The following DDI2 variants were observed in gnomAD, a reference collection of about 807,000 sequenced individuals.
The protein encoded by DDI2 is protein DDI1 homolog 2.
A neutral mutation model predicts 48.1 loss-of-function variants in DDI2; 5 were observed. That is an observed-to-expected ratio of 0.10 (90% CI 0.05 to 0.22). The LOEUF (loss-of-function observed/expected upper bound fraction) is 0.22. Ranked by LOEUF, DDI2 falls within the 10% of genes least tolerant of loss-of-function variation. The pLI is 1.00. For missense variants in DDI2, 285 were observed against 506.2 expected, an observed-to-expected ratio of 0.56 and a Z score of 4.19; for synonymous variants, 205 against 183.6, an observed-to-expected ratio of 1.12 and a Z score of -0.94.
intron 1 of DDI2, among the ~76,000 whole-genome samples, chr1:15,622,564 T>A (rs909474803): frequency 2.0e-5 from 3 of 152,216 alleles, no homozygotes; most frequent in African/African-American, 7.2e-5. Flanking sequence ...ATACATTTTC[T>A]TGTTGTATGT....
rs572304680 is a variant in DDI2 at position 15,659,751 on chromosome 1, G to A, written c.*47-86G>A. 1,783 of 1,354,788 alleles carry A rather than the reference G, an allele frequency of 1.3e-3. 3 individuals carry two copies. Among genetic ancestry groups the A allele is most frequent in the Non-Finnish European group, 1.6e-3 (1,664 of 1,025,772 alleles). The allele number at this position is 1,354,788 out of a possible 1,614,324, so 83.9% of individuals were successfully genotyped here. ...GTTTGAGGACCTTATTTTATTCTAC[G>A]CTGTTTAGATTTGTATCCTCTGGTA... On this transcript the variant is annotated intron_variant, in intron 9 of 9. Transcript: ENST00000480945.
rs777034689 is a variant in DDI2, at chr1:15,661,233, C to G, written c.*1443C>G. 2 of 1,613,982 alleles carry G rather than the reference C, an allele frequency of 1.2e-6. No individual in the cohort carries two copies. The highest frequency in any genetic ancestry group is 1.3e-5 in the African/African-American group (1 of 74,908). On this transcript the variant is annotated 3_prime_UTR_variant, in exon 10 of 10. Transcript: ENST00000480945. The stretch of plus-strand genomic sequence containing the variant: ...GGAGTCTAGGTGATGGCCTGTCAAC[C>G]GATAAGGAAGGTGTCCCCAAATCTA...
intron 8 of DDI2, among the ~76,000 whole-genome samples, chr1:15,653,294 T>C (rs1640222438): frequency 6.6e-6 from 1 of 151,790 alleles, no homozygotes; most frequent in Non-Finnish European, 1.5e-5. Flanking sequence ...TTTATTTATA[T>C]AGACAGAGTC....
intron 1 of DDI2, among the ~76,000 whole-genome samples, chr1:15,623,028 A>AT (rs1340579521): frequency 2.0e-5 from 3 of 152,154 alleles, no homozygotes; most frequent in African/African-American, 7.2e-5. Context: ...TAGATTTTAC[A>AT]TTTTTATTGT....
intron 5 of DDI2, among the ~76,000 whole-genome samples, chr1:15,641,732 A>G (rs965734223): frequency 6.6e-6 from 1 of 151,952 alleles, no homozygotes; most frequent in Admixed American, 6.6e-5. Context: ...AGGCAGGTGG[A>G]TCACCTGAGG....
At chr1:15,631,562 T>C (rs1371216612) in intron 3 of DDI2, among the ~76,000 whole-genome samples, 3 of 152,224 alleles carry the variant, frequency 2.0e-5, no homozygotes, top group Non-Finnish European at 4.4e-5. Context: ...AAATTGGCAA[T>C]CTTTACCTTA....
rs143101279 is a variant in DDI2, at chr1:15,630,175, TCA to T, written c.269-149_269-148del. 628 of 737,436 alleles carry T rather than the reference TCA, an allele frequency of 8.5e-4. 3 individuals are homozygous for T. In the African/African-American group the frequency reaches 0.01, roughly 12 times the overall value. The allele number at this position is 737,436 out of a possible 1,614,324, so 45.7% of individuals were successfully genotyped here. On this transcript the variant is annotated intron_variant, in intron 2 of 9. Coordinates refer to ENST00000480945, the MANE Select transcript of DDI2 (RefSeq NM_032341.5). ...CACTCTCAGCCGGCAGTCTTTATAT[TCA>T]GAGTCATCATGAGAAAGAACAAGGT...
chr1:15,654,944 T>C (rs2103479853), intron 8 of DDI2, among the ~76,000 whole-genome samples: 1 of 152,032 alleles, frequency 6.6e-6, no homozygotes, highest in South Asian at 2.1e-4. Context: ...TGTCTTTTTT[T>C]TTTTTTTCCT....
chr1:15,654,291 ATGGAGTTTTCCAGGT>A (rs1342125361), intron 8 of DDI2, among the ~76,000 whole-genome samples: 1 of 152,192 alleles, frequency 6.6e-6, no homozygotes, highest in Non-Finnish European at 1.5e-5. Flanking sequence ...TGGGTGGCAG[ATGGAGTTTTCCAGGT>A]TGACTTTGTT....
intron 3 of DDI2, among the ~76,000 whole-genome samples, chr1:15,630,794 TTTCCTCATTGTTTTTGGC>T (rs1358242699): frequency 6.6e-6 from 1 of 152,134 alleles, no homozygotes; most frequent in Non-Finnish European, 1.5e-5. Context: ...TACTTTTTGT[TTTCCTCATTGTTTTTGGC>T]AGCAGATAAC....
rs938415622 is a variant in DDI2, at chr1:15,632,762, GGTA to G, written c.506-672_506-670del. Among the ~76,000 whole-genome samples, 52 of 151,962 alleles carry G rather than the reference GGTA, an allele frequency of 3.4e-4. 1 individual carries two copies. The highest frequency in any genetic ancestry group is 1.2e-3 in the African/African-American group (51 of 41,354). ...TATATAATGCTGTATTTTGTTTCTA[GGTA>G]GTAGGATAATGAGAACAATGAGGAA... On this transcript the variant is annotated intron_variant, in intron 3 of 9. Coordinates refer to ENST00000480945, the MANE Select transcript of DDI2 (RefSeq NM_032341.5).
chr1:15,647,824 G>A (rs1186555627), intron 6 of DDI2, among the ~76,000 whole-genome samples: 1 of 152,014 alleles, frequency 6.6e-6, no homozygotes, highest in Non-Finnish European at 1.5e-5. Context: ...TTAGCCGGTT[G>A]TCATGACCGT....
rs36082177 is a variant in DDI2 at position 15,648,834 on chromosome 1, C to CAAAA, written c.890-871_890-868dup. On this transcript the variant is annotated intron_variant, in intron 6 of 9. Transcript: ENST00000480945. ...CTGGGCAACGTAGCAGACCCTGTCT[C>CAAAA]AAAAAAAAAAAAAAAAAACAACCCT... Among the ~76,000 whole-genome samples the CAAAA allele has an allele frequency of 1.8e-3, 176 of 95,456 alleles. 1 individual carries two copies. Among genetic ancestry groups the CAAAA allele is most frequent in the African/African-American group, 2.5e-3 (58 of 22,870 alleles). The allele number at this position is 95,456 out of a possible 152,430, so 62.6% of individuals were successfully genotyped here. A position where few individuals can be genotyped will look rare whatever the true frequency, so the allele number is the denominator to read the frequency against.
intron 1 of DDI2, among the ~76,000 whole-genome samples, chr1:15,624,077 G>A (rs1048957370): frequency 6.6e-5 from 10 of 152,006 alleles, no homozygotes; most frequent in Admixed American, 5.2e-4. Context: ...AATAAATACC[G>A]TTAAAATGTG....
intron 5 of DDI2, among the ~76,000 whole-genome samples, chr1:15,639,106 A>G (rs1238430573): frequency 2.6e-5 from 4 of 152,150 alleles, no homozygotes; most frequent in African/African-American, 9.7e-5. Flanking sequence ...GTGTAAGGCT[A>G]TCTGGGTATG....
intron 4 of DDI2, 79 bp downstream of exon 4, chr1:15,633,644 G>C: frequency 6.3e-7 from 1 of 1,582,020 alleles, no homozygotes; most frequent in South Asian, 1.1e-5. Flanking sequence ...CATTGGTTGG[G>C]CATCTGCTTG....
intron 1 of DDI2, among the ~76,000 whole-genome samples, chr1:15,619,134 T>G (rs1470835333): frequency 1.3e-5 from 2 of 152,184 alleles, no homozygotes; most frequent in African/African-American, 4.8e-5. Flanking sequence ...TTTGTTTTTG[T>G]TTTTGAGACG....
chr1:15,645,756 G>C (rs971446389), intron 6 of DDI2, among the ~76,000 whole-genome samples: 15 of 151,958 alleles, frequency 9.9e-5, no homozygotes, highest in Non-Finnish European at 1.8e-4. Context: ...GATGGTGCCA[G>C]CTACTCGAGA....
intron 1 of DDI2, among the ~76,000 whole-genome samples, chr1:15,620,287 GT>G (rs1639637553): frequency 6.6e-6 from 1 of 152,066 alleles, no homozygotes; most frequent in South Asian, 2.1e-4. Flanking sequence ...GTGGTCGGTT[GT>G]CTTTCACTTG....
Sources: gnomAD v4.1 joint callset for allele counts (sites outside exome capture counted in the v4.1 genomes callset) on GRCh38, gnomAD v4.1.1 for gene constraint, MANE v1.5 for transcripts, NCBI Gene and HGNC (gene_info 2026-07-23, HGNC 2026-07-21) for gene names.